COL24A1: variants seen among roughly 807,000 people sequenced by gnomAD.
COL24A1 encodes the protein collagen alpha-1(XXIV) chain.
A neutral mutation model predicts 253.9 loss-of-function variants in COL24A1; 224 were observed. That is an observed-to-expected ratio of 0.88 (90% CI 0.79 to 0.99). The LOEUF (loss-of-function observed/expected upper bound fraction) is 0.99. Among genes scored for constraint, COL24A1 ranks in the 50% least tolerant of loss-of-function variants. The pLI is 0.00. For missense variants in COL24A1, 2,131 were observed against 2,068.5 expected (o/e 1.03, Z -0.59); for synonymous variants, 685 against 673.7 (o/e 1.02, Z -0.26).
chr1:85,809,399 C>A (rs978177796), intron 47 of COL24A1, among the ~76,000 whole-genome samples: 8 of 152,166 alleles, frequency 5.3e-5, no homozygotes, highest in African/African-American at 1.7e-4. Context: ...AAACTAAATT[C>A]TTCCCAAAGT....
intron 24 of COL24A1, among the ~76,000 whole-genome samples, chr1:85,938,329 A>G (rs1355012629): frequency 6.8e-6 from 1 of 146,654 alleles, no homozygotes; most frequent in Non-Finnish European, 1.5e-5. Flanking sequence ...CCTCAAAGGG[A>G]ACACATTTTC....
chr1:85,830,178 G>T (rs4459140), intron 43 of COL24A1, among the ~76,000 whole-genome samples: 13,712 of 151,812 alleles, frequency 0.09, 660 homozygotes, highest in East Asian at 0.13. Flanking sequence ...TGGAGTACCC[G>T]GCCGTGTGAG....
intron 7 of COL24A1, among the ~76,000 whole-genome samples, chr1:86,064,610 G>C (rs1257202624): frequency 2.0e-5 from 3 of 152,038 alleles, no homozygotes; most frequent in Admixed American, 6.5e-5. Context: ...TAATTCAAAA[G>C]CCTGAAATAA....
At chr1:85,737,594 A>T in intron 57 of COL24A1, 89 bp from the exon 58 acceptor site, 1 of 904,240 alleles carries the variant, frequency 1.1e-6, no homozygotes, top group Non-Finnish European at 1.6e-6. Flanking sequence ...AGAGAGTCTC[A>T]TTCTGTTAGC....
At position 85,833,647 on chromosome 1, in the gene COL24A1, C is replaced by T. The variant is rs560320392; in HGVS notation, c.3681+4938G>A. Reference sequence around the variant, plus strand: ...ACCCAAAGGATTATAAATCATGTTGCTATAAAGACACATGCACACGTATGT... The same window carrying T: ...ACCCAAAGGATTATAAATCATGTTGTTATAAAGACACATGCACACGTATGT... On this transcript the variant is annotated intron_variant, in intron 43 of 59. Transcript: ENST00000370571. Among the ~76,000 whole-genome samples, 10 of 152,242 alleles carry T rather than the reference C, an allele frequency of 6.6e-5. No individual in the cohort carries two copies. The South Asian group carries it at 1.5e-3, about 22-fold the overall frequency.
rs200015039 is a variant in COL24A1, at chr1:86,022,876, C to A, written c.2105G>T (p.Gly702Val). The A allele has an allele frequency of 5.0e-5, 81 of 1,606,596 alleles. No individual in the cohort carries two copies. The highest frequency in any genetic ancestry group is 1.8e-4 in the Admixed American group (11 of 59,504). ...IGPAGIPGPM[G>V]LSGNKGLPGI... ...AGGTAGTCCTTTATTCCCTGAAAGGCCCTACAAAAAAAGGTGACATTTTGT... is the reference window on the plus strand; with the variant it reads ...AGGTAGTCCTTTATTCCCTGAAAGGACCTACAAAAAAAGGTGACATTTTGT... Residue 702 changes from glycine to valine, a missense_variant and splice_region_variant, in exon 16 of 60, where the codon GGC becomes GTC. By Grantham distance (109) the Gly-to-Val change is moderately radical. Coordinates refer to ENST00000370571, the MANE Select transcript of COL24A1 (RefSeq NM_152890.7).
chr1:86,025,431 A>G (rs1697937697), intron 14 of COL24A1, among the ~76,000 whole-genome samples: 1 of 152,182 alleles, frequency 6.6e-6, no homozygotes, highest in Admixed American at 6.5e-5. Context: ...AAGGGTTCAT[A>G]TGGTATACTG....
intron 43 of COL24A1, among the ~76,000 whole-genome samples, chr1:85,826,768 T>A (rs985434814): frequency 1.3e-5 from 2 of 151,690 alleles, no homozygotes. Flanking sequence ...TTTTTGCACA[T>A]TGATTTTGTA....
At chr1:85,746,794 G>A (rs146326735) in intron 55 of COL24A1, among the ~76,000 whole-genome samples, 159 of 152,330 alleles carry the variant, frequency 1.0e-3, no homozygotes, top group African/African-American at 3.6e-3. Context: ...AAGTAGCAAA[G>A]AGGGTAAACC....
intron 3 of COL24A1, among the ~76,000 whole-genome samples, chr1:86,118,481 A>G (rs555665955): frequency 1.6e-4 from 24 of 152,352 alleles, no homozygotes; most frequent in African/African-American, 5.5e-4. Flanking sequence ...CAATACTTCT[A>G]AAAGATAATA....
intron 20 of COL24A1, 64 bp from the exon 21 acceptor site, chr1:85,971,457 G>T (rs1571421246): frequency 7.7e-7 from 1 of 1,302,262 alleles, no homozygotes; most frequent in Non-Finnish European, 1.1e-6. Flanking sequence ...TGATAAATCA[G>T]CATTAATGTG....
rs114744777 is a variant in COL24A1, at chr1:85,775,803, T to C, written c.4339-94A>G. On this transcript the variant is annotated intron_variant, in intron 52 of 59. Transcript: ENST00000370571. ...TTATATGTAGAAACATGACAATTTATATTTTTGCTTTTTCTATATAGTAAG... is the reference window on the plus strand; with the variant it reads ...TTATATGTAGAAACATGACAATTTACATTTTTGCTTTTTCTATATAGTAAG... The C allele has an allele frequency of 1.5e-3, 1,635 of 1,108,696 alleles. 20 individuals are homozygous for C. In the African/African-American group the frequency reaches 0.023, roughly 15 times the overall value. 68.7% of individuals were successfully genotyped at this position (1,108,696 alleles called of 1,614,324 possible).
chr1:85,763,801 G>A (rs1667085196), intron 53 of COL24A1, among the ~76,000 whole-genome samples: 1 of 151,974 alleles, frequency 6.6e-6, no homozygotes, highest in Non-Finnish European at 1.5e-5. Flanking sequence ...GGCCGTCTAT[G>A]TTAATTTTCT....
Position 85,730,615 on chromosome 1 carries a change from T to C in COL24A1, c.5076A>G (p.Val1692=). The C allele has an allele frequency of 1.2e-6, 2 of 1,614,032 alleles. No homozygotes were observed. Among genetic ancestry groups the C allele is most frequent in the Non-Finnish European group, 1.7e-6 (2 of 1,179,888 alleles). Residue 1692 remains valine (V), a synonymous_variant, in exon 60 of 60, where the codon GTA becomes GTG. Coordinates refer to ENST00000370571, the MANE Select transcript of COL24A1 (RefSeq NM_152890.7). ...CAGTTTTGAGATGAGGAAGTTTTTG[T>C]ACTTCAATCACTGGAAGTTGATTAG... is the stretch of plus-strand genomic sequence containing the variant. The part of the protein sequence containing the change: ...QEPNQLPVIE[V]QKLPHLKTER...
At position 86,089,142 on chromosome 1, in the gene COL24A1, A is replaced by G. The variant is rs767690302; in HGVS notation, c.1707+32T>C. ...AAGACAAAAAAAAGAAAAAAAGAAGAAAAAAAGAAAAGAAGTAAAATTCCA... is the reference window on the plus strand; with the variant it reads ...AAGACAAAAAAAAGAAAAAAAGAAGGAAAAAAGAAAAGAAGTAAAATTCCA... On this transcript the variant is annotated intron_variant, in intron 7 of 59. Transcript: ENST00000370571. The G allele has an allele frequency of 5.3e-6, 8 of 1,511,696 alleles. No homozygotes were observed. The African/African-American group carries it at 7.2e-5, about 14-fold the overall frequency. The allele number at this position is 1,511,696 out of a possible 1,614,324, so 93.6% of individuals were successfully genotyped here.
chr1:85,790,578 T>C (rs313717), intron 47 of COL24A1, among the ~76,000 whole-genome samples: 135,306 of 151,922 alleles, frequency 0.89, 60,484 homozygotes, highest in Middle Eastern at 0.93. Context: ...TGCTTTGTAC[T>C]GTTGCTTGGT....
chr1:85,912,775 C>T (rs1480407158), intron 24 of COL24A1, among the ~76,000 whole-genome samples: 2 of 152,276 alleles, frequency 1.3e-5, no homozygotes, highest in Non-Finnish European at 2.9e-5. Flanking sequence ...GGCTATTGAG[C>T]ACTTGAAATG....
chr1:85,991,410 A>C (rs1464005654), intron 19 of COL24A1, among the ~76,000 whole-genome samples: 4 of 152,188 alleles, frequency 2.6e-5, no homozygotes, highest in Non-Finnish European at 5.9e-5. Flanking sequence ...GTGATAAACT[A>C]TGTTTTAAAA....
intron 7 of COL24A1, among the ~76,000 whole-genome samples, chr1:86,078,294 G>A (rs1034679038): frequency 2.6e-5 from 4 of 151,980 alleles, no homozygotes; most frequent in Admixed American, 6.6e-5. Flanking sequence ...GGATATAAAC[G>A]GAATATACCT....
Sources: gnomAD v4.1 joint callset for allele counts (sites outside exome capture counted in the v4.1 genomes callset) on GRCh38, gnomAD v4.1.1 for gene constraint, MANE v1.5 for transcripts, NCBI Gene and HGNC (gene_info 2026-07-23, HGNC 2026-07-21) for gene names.